ARNT2: variants seen among roughly 807,000 people sequenced by gnomAD.
ARNT2 encodes aryl hydrocarbon receptor nuclear translocator 2.
In ARNT2, 36 loss-of-function variants were observed where a neutral mutation model predicts 91.7. The ratio of observed to expected loss-of-function variants is 0.39; its 90% CI spans 0.30 to 0.52. The LOEUF is 0.52. Ranked by LOEUF, ARNT2 falls within the 20% of genes least tolerant of loss-of-function variation. The probability of loss-of-function intolerance (pLI) is 0.72; values close to 1 mark genes in which losing one functional copy is unlikely to be tolerated. For synonymous variants in ARNT2, 365 were observed against 347.1 expected (o/e 1.05, Z -0.57); for missense variants, 775 against 939.3 (o/e 0.83, Z 2.29).
chr15:80,589,297 C>G (rs2141487413), intron 17 of ARNT2, among the ~76,000 whole-genome samples: 1 of 148,712 alleles, frequency 6.7e-6, no homozygotes, highest in South Asian at 2.1e-4. Flanking sequence ...TGGGGCCTGG[C>G]AGTAGAGTAA....
At chr15:80,470,133 T>C (rs545438126) in intron 3 of ARNT2, 85 bp from the exon 4 acceptor site, 2 of 1,358,406 alleles carry the variant, frequency 1.5e-6, no homozygotes, top group African/African-American at 1.4e-5. Flanking sequence ...CATTTGGTGT[T>C]AATGGTTTTA....
chr15:80,414,551 TG>T (rs1202039274), intron 1 of ARNT2, among the ~76,000 whole-genome samples: 2 of 152,200 alleles, frequency 1.3e-5, no homozygotes, highest in Non-Finnish European at 2.9e-5. Context: ...ATGAAATCCG[TG>T]ATGGAAGTTA....
At chr15:80,563,046 A>G (rs2141467321) in intron 11 of ARNT2, 42 bp from the exon 12 acceptor site, 1 of 1,612,186 alleles carries the variant, frequency 6.2e-7, no homozygotes, top group Non-Finnish European at 8.5e-7. Context: ...GTTTGGCACC[A>G]TCCTTCCTCC....
At chr15:80,461,500 G>A (rs1403216983) in intron 3 of ARNT2, among the ~76,000 whole-genome samples, 1 of 152,216 alleles carries the variant, frequency 6.6e-6, no homozygotes, top group Non-Finnish European at 1.5e-5. Flanking sequence ...GTTTGAGAGG[G>A]CTGGAAAAGT....
chr15:80,508,135 CTG>C lies in ARNT2; in HGVS notation c.623-19_623-18del. 6.2e-7 allele frequency: 1 copy of C among 1,612,628 alleles called. No individual in the cohort carries two copies. The highest frequency in any genetic ancestry group is 8.5e-7 in the Non-Finnish European group (1 of 1,178,790). On this transcript the variant is annotated intron_variant, in intron 5 of 18. Transcript: ENST00000303329. ...CAACCGAAGGCAGAGGCTTACGTAACTGTCCTTCTCTCTCTCTTAGGCCGGAT... is the reference window on the plus strand; with the variant it reads ...CAACCGAAGGCAGAGGCTTACGTAACTCCTTCTCTCTCTCTTAGGCCGGAT...
chr15:80,532,318 A>G (rs1364857727), intron 8 of ARNT2, among the ~76,000 whole-genome samples: 1 of 152,094 alleles, frequency 6.6e-6, no homozygotes, highest in Non-Finnish European at 1.5e-5. Context: ...CCAGTCTTCT[A>G]CCATTGCTTC....
rs1376754846 is a variant in ARNT2 at position 80,552,677 on chromosome 15, T to C, written c.992T>C (p.Met331Thr). The stretch of plus-strand genomic sequence containing the variant: ...CCTGTATGCATGGACATGAATGGGA[T>C]GTCGGTGCCCACAGAGTTCTTATCC... ...SSPVCMDMNG[M>T]SVPTEFLSRH... The change falls in exon 10 of 19, where the codon ATG (methionine) becomes ACG (threonine). Residue 331 changes from methionine to threonine, a missense_variant. By Grantham distance (81) the Met-to-Thr change is moderately conservative. Around this residue, in one of 5 missense-constraint regions of ARNT2, gnomAD observed 285 missense variants for 327.2 expected, o/e 0.87. Transcript: ENST00000303329. 3.1e-6 allele frequency: 5 copies of C among 1,614,090 alleles called. No individual in the cohort carries two copies. The highest frequency in any genetic ancestry group is 4.2e-6 in the Non-Finnish European group (5 of 1,180,022).
intron 1 of ARNT2, among the ~76,000 whole-genome samples, chr15:80,409,932 G>A (rs1277023130): frequency 6.6e-6 from 1 of 152,170 alleles, no homozygotes; most frequent in Non-Finnish European, 1.5e-5. Context: ...AAAGCGGTGT[G>A]AGAAGCTGGA....
At chr15:80,468,054 C>T (rs1039622364) in intron 3 of ARNT2, among the ~76,000 whole-genome samples, 2 of 152,244 alleles carry the variant, frequency 1.3e-5, no homozygotes, top group Non-Finnish European at 2.9e-5. Flanking sequence ...CTCTATCTAC[C>T]CCCGAGTCAA....
intron 5 of ARNT2, among the ~76,000 whole-genome samples, chr15:80,506,613 C>G (rs1432983248): frequency 2.0e-5 from 3 of 152,154 alleles, no homozygotes; most frequent in Non-Finnish European, 2.9e-5. Context: ...CAAGGTTAGG[C>G]CTAGACAGGC....
intron 8 of ARNT2, among the ~76,000 whole-genome samples, chr15:80,524,324 T>C (rs1897598888): frequency 6.6e-6 from 1 of 152,212 alleles, no homozygotes; most frequent in South Asian, 2.1e-4. Context: ...TACAAACCTT[T>C]TGTAGAATAA....
At chr15:80,467,680 C>T (rs536363926) in intron 3 of ARNT2, among the ~76,000 whole-genome samples, 1 of 152,362 alleles carries the variant, frequency 6.6e-6, no homozygotes, top group East Asian at 1.9e-4. Flanking sequence ...TCAGCAGCCT[C>T]AGCCAACGGT....
chr15:80,562,136 G>A (rs1042604178), intron 11 of ARNT2, among the ~76,000 whole-genome samples: 6 of 150,954 alleles, frequency 4.0e-5, no homozygotes, highest in Admixed American at 6.6e-5. Context: ...GTGCAGTGAC[G>A]CAATGTCTGC....
chr15:80,523,131 C>A (rs967639814), intron 8 of ARNT2, among the ~76,000 whole-genome samples: 1 of 152,278 alleles, frequency 6.6e-6, no homozygotes, highest in South Asian at 2.1e-4. Flanking sequence ...TCCAATGTCT[C>A]ATGAACCCAT....
At chr15:80,464,783 G>A (rs1193707764) in intron 3 of ARNT2, among the ~76,000 whole-genome samples, 2 of 152,156 alleles carry the variant, frequency 1.3e-5, no homozygotes, top group Non-Finnish European at 2.9e-5. Flanking sequence ...GCCTGGGAGC[G>A]ACTGGCCATG....
At chr15:80,471,943 T>C (rs1318749719) in intron 4 of ARNT2, among the ~76,000 whole-genome samples, 1 of 152,200 alleles carries the variant, frequency 6.6e-6, no homozygotes, top group Non-Finnish European at 1.5e-5. Flanking sequence ...TTCAGGGTCT[T>C]TGTATTTCCA....
chr15:80,453,078 C>T (rs1896425630), intron 2 of ARNT2, among the ~76,000 whole-genome samples: 1 of 152,190 alleles, frequency 6.6e-6, no homozygotes, highest in African/African-American at 2.4e-5. Flanking sequence ...AGCTTCAGTC[C>T]CATTTCTGAA....
At position 80,415,763 on chromosome 15, in the gene ARNT2, G is replaced by A. The variant is rs74695402; in HGVS notation, c.31+11217G>A. Among the ~76,000 whole-genome samples the A allele has an allele frequency of 6.5e-3, 987 of 152,264 alleles. 9 individuals carry two copies. The highest frequency in any genetic ancestry group is 0.023 in the African/African-American group (961 of 41,550). On this transcript the variant is annotated intron_variant, in intron 1 of 18. Coordinates refer to ENST00000303329, the MANE Select transcript of ARNT2 (RefSeq NM_014862.4). ...TATCAGAGATGAGAGAGAGGGAGTG[G>A]TAGTGTTCCTGATTTGACCACTGGG...
At chr15:80,527,762 G>A (rs2141438674) in intron 8 of ARNT2, among the ~76,000 whole-genome samples, 1 of 152,306 alleles carries the variant, frequency 6.6e-6, no homozygotes, top group African/African-American at 2.4e-5. Context: ...GCAAAACTAG[G>A]CTTTTTGATG....
Sources: gnomAD v4.1 joint callset for allele counts (sites outside exome capture counted in the v4.1 genomes callset) on GRCh38, gnomAD v4.1.1 for gene constraint, gnomAD v4.1.1 regional missense constraint, MANE v1.5 for transcripts, NCBI Gene and HGNC (gene_info 2026-07-23, HGNC 2026-07-21) for gene names.